Variants in ZRANB3 observed in about 807,000 individuals in gnomAD.
The protein encoded by ZRANB3 is zinc finger RANBP2-type containing 3, also known as DNA annealing helicase and endonuclease ZRANB3.
ZRANB3 carries 125 observed loss-of-function variants against 133.8 expected under a neutral mutation model. The observed-to-expected ratio is 0.93, with a 90% CI of 0.81 to 1.08. The LOEUF (loss-of-function observed/expected upper bound fraction) is 1.08. Ranked by LOEUF, ZRANB3 falls within the 50% of genes least tolerant of loss-of-function variation. The pLI, the probability that ZRANB3 is intolerant of heterozygous loss-of-function variation, is 0.00. For synonymous variants in ZRANB3, 387 were observed against 432.7 expected (o/e 0.89, Z 1.31); for missense variants, 1,229 against 1,275.5 (o/e 0.96, Z 0.56).
intron 2 of ZRANB3, among the ~76,000 whole-genome samples, chr2:135,430,325 A>C (rs1305767244): frequency 6.6e-6 from 1 of 152,106 alleles, no homozygotes; most frequent in Non-Finnish European, 1.5e-5. Flanking sequence ...CACTACATTC[A>C]ACATAAGGTA....
chr2:135,448,303 T>C (rs1690119626), intron 2 of ZRANB3, among the ~76,000 whole-genome samples: 1 of 152,212 alleles, frequency 6.6e-6, no homozygotes, highest in Non-Finnish European at 1.5e-5. Context: ...CTCTTGGCAA[T>C]TAATTGTTGA....
At chr2:135,240,586 C>A (rs1376957453) in intron 12 of ZRANB3, among the ~76,000 whole-genome samples, 1 of 152,102 alleles carries the variant, frequency 6.6e-6, no homozygotes, top group Non-Finnish European at 1.5e-5. Flanking sequence ...CTCCTTGAAT[C>A]CTTCCTTTTT....
At chr2:135,396,762 A>C (rs1687508711) in intron 2 of ZRANB3, among the ~76,000 whole-genome samples, 1 of 152,176 alleles carries the variant, frequency 6.6e-6, no homozygotes, top group African/African-American at 2.4e-5. Flanking sequence ...CAACGGGGTG[A>C]CTATAGTCAA....
chr2:135,400,780 C>G (rs935718469), intron 2 of ZRANB3, among the ~76,000 whole-genome samples: 2 of 152,056 alleles, frequency 1.3e-5, no homozygotes, highest in African/African-American at 4.8e-5. Flanking sequence ...GTTCTAACAC[C>G]GGAAAAGCAG....
In ZRANB3 at chr2:135,350,168, G is replaced by A; in HGVS notation, c.407C>T (p.Thr136Ile). 1 of 1,609,656 alleles carries A rather than the reference G, an allele frequency of 6.2e-7. No individual in the cohort carries two copies. ...ATCTATCAAAGTCTTTGCATCTGCGGTTAAGAGACCATAACCCAGAACTGT... is the reference window on the plus strand; with the variant it reads ...ATCTATCAAAGTCTTTGCATCTGCGATTAAGAGACCATAACCCAGAACTGT... ...KVTVLGYGLL[T>I]ADAKTLIDAL... The change falls in exon 5 of 21, where the codon ACC becomes ATC. Residue 136 changes from threonine (T) to isoleucine (I), a missense_variant. Coordinates refer to ENST00000264159, the MANE Select transcript of ZRANB3 (RefSeq NM_032143.4).
chr2:135,418,109 A>G (rs955059004), intron 2 of ZRANB3, among the ~76,000 whole-genome samples: 18 of 152,210 alleles, frequency 1.2e-4, no homozygotes, highest in African/African-American at 4.3e-4. Flanking sequence ...TTAAAGTATA[A>G]TAATAATAAA....
chr2:135,432,303 T>C (rs1005286100), intron 2 of ZRANB3, among the ~76,000 whole-genome samples: 32 of 152,078 alleles, frequency 2.1e-4, no homozygotes, highest in African/African-American at 6.0e-4. Flanking sequence ...ATTTTAAAGA[T>C]TCAAATATTT....
At chr2:135,346,554 T>C (rs1684937802) in intron 5 of ZRANB3, among the ~76,000 whole-genome samples, 1 of 152,140 alleles carries the variant, frequency 6.6e-6, no homozygotes, top group Non-Finnish European at 1.5e-5. Context: ...ATCCATCCAT[T>C]TGCATTTCTA....
At chr2:135,234,037 T>C (rs1251461202) in intron 12 of ZRANB3, among the ~76,000 whole-genome samples, 1 of 152,134 alleles carries the variant, frequency 6.6e-6, no homozygotes, top group Admixed American at 6.5e-5. Context: ...GTGTGCTGTA[T>C]TCAGGAAACC....
chr2:135,461,214 T>C (rs1195177969), intron 2 of ZRANB3, among the ~76,000 whole-genome samples: 1 of 152,170 alleles, frequency 6.6e-6, no homozygotes, highest in African/African-American at 2.4e-5. Context: ...ATGCTATAAA[T>C]AAAAATGGCT....
In ZRANB3 at chr2:135,241,671, G is replaced by A. The variant is rs76803490; in HGVS notation, c.1540-10744C>T. ...GAACATGAGGGGTGAGGAAGATGCAGGGGCCTAGAGTAATCTTCAGACTCC... is the reference window on the plus strand; with the variant it reads ...GAACATGAGGGGTGAGGAAGATGCAAGGGCCTAGAGTAATCTTCAGACTCC... On this transcript the variant is annotated intron_variant, in intron 12 of 20. Transcript: ENST00000264159. 7.3e-3 allele frequency among the ~76,000 whole-genome samples: 1,107 copies of A among 152,220 alleles called. 11 individuals carry two copies. Among genetic ancestry groups the A allele is most frequent in the African/African-American group, 0.025 (1,049 of 41,536 alleles).
intron 2 of ZRANB3, among the ~76,000 whole-genome samples, chr2:135,426,458 A>G (rs1689071679): frequency 1.3e-5 from 2 of 152,078 alleles, no homozygotes; most frequent in African/African-American, 2.4e-5. Context: ...ATACTAGCAA[A>G]CAGAATCCAG....
intron 1 of ZRANB3, among the ~76,000 whole-genome samples, chr2:135,515,340 T>C (rs1299555067): frequency 1.3e-5 from 2 of 152,124 alleles, no homozygotes; most frequent in Non-Finnish European, 2.9e-5. Flanking sequence ...AGTTATTTCT[T>C]ATCTTCTGCT....
At chr2:135,281,603 T>C (rs1194389974) in intron 8 of ZRANB3, among the ~76,000 whole-genome samples, 2 of 152,140 alleles carry the variant, frequency 1.3e-5, no homozygotes, top group East Asian at 3.9e-4. Context: ...GGGGCTATAA[T>C]AGGAGCTGTT....
At chr2:135,404,140 G>A (rs937386204) in intron 2 of ZRANB3, among the ~76,000 whole-genome samples, 7 of 152,112 alleles carry the variant, frequency 4.6e-5, no homozygotes, top group African/African-American at 1.7e-4. Context: ...GGCTTCAGAT[G>A]ATCAAACTAC....
At chr2:135,238,393 CTTTT>C (rs376967394) in intron 12 of ZRANB3, among the ~76,000 whole-genome samples, 1 of 138,490 alleles carries the variant, frequency 7.2e-6, no homozygotes, top group Non-Finnish European at 1.6e-5. Context: ...TGCTGTGTGA[CTTTT>C]TTTTTTTTTT....
chr2:135,255,708 G>T (rs1019587023), intron 12 of ZRANB3, among the ~76,000 whole-genome samples: 2 of 151,824 alleles, frequency 1.3e-5, no homozygotes, highest in Non-Finnish European at 2.9e-5. Context: ...AATTAACCTG[G>T]CATGGTGGCA....
chr2:135,360,423 T>A (rs915543903), intron 3 of ZRANB3, among the ~76,000 whole-genome samples: 9 of 149,134 alleles, frequency 6.0e-5, no homozygotes, highest in African/African-American at 1.2e-4. Flanking sequence ...AAAATAAACT[T>A]TGGCTGGGCA....
At chr2:135,318,600 A>T (rs1253188495) in intron 6 of ZRANB3, among the ~76,000 whole-genome samples, 1 of 152,164 alleles carries the variant, frequency 6.6e-6, no homozygotes, top group African/African-American at 2.4e-5. Context: ...AATAATGGAA[A>T]CAGTTCCAGA....
Sources: allele counts gnomAD v4.1 joint callset (sites outside exome capture counted in the v4.1 genomes callset), GRCh38; gene constraint gnomAD v4.1.1; transcripts MANE v1.5; gene names NCBI Gene and HGNC (gene_info 2026-07-23, HGNC 2026-07-21).